TENM2: variants seen among roughly 807,000 people sequenced by gnomAD.
TENM2 encodes the protein teneurin transmembrane protein 2, also known as teneurin-2.
A neutral mutation model predicts 245.2 loss-of-function variants in TENM2; 52 were observed. The observed-to-expected ratio is 0.21, with a 90% CI of 0.17 to 0.27. The LOEUF is 0.27. Ranked by LOEUF, TENM2 falls within the 10% of genes least tolerant of loss-of-function variation. The pLI, the probability that TENM2 is intolerant of heterozygous loss-of-function variation, is 1.00. For synonymous variants in TENM2, 1,363 were observed against 1,438.9 expected (o/e 0.95, Z 1.19); for missense variants, 3,046 against 3,666.8 (o/e 0.83, Z 4.37).
intron 2 of TENM2, among the ~76,000 whole-genome samples, chr5:167,855,684 A>AGGAG (rs200382820): frequency 3.3e-5 from 3 of 91,296 alleles, no homozygotes; most frequent in South Asian, 4.5e-4. Flanking sequence ...GAAGGAAGGA[A>AGGAG]GGAGGGAGGG....
At chr5:167,426,307 A>G (rs1404433298) in intron 2 of TENM2, among the ~76,000 whole-genome samples, 1 of 152,174 alleles carries the variant, frequency 6.6e-6, no homozygotes, top group African/African-American at 2.4e-5. Context: ...TTAAAAAGTA[A>G]TCTTACAAAA....
chr5:167,898,853 G>C (rs887473037), intron 3 of TENM2, among the ~76,000 whole-genome samples: 15 of 152,210 alleles, frequency 9.9e-5, no homozygotes, highest in Admixed American at 1.3e-4. Context: ...CTTAGGAAAA[G>C]CAAGAATGGG....
chr5:167,064,774 G>A, the TENM2 span, among the ~76,000 whole-genome samples: 1 of 152,130 alleles, frequency 6.6e-6, no homozygotes, highest in Non-Finnish European at 1.5e-5. Context: ...GGTGCTAAAA[G>A]CAAACCTTTG....
intron 3 of TENM2, among the ~76,000 whole-genome samples, chr5:167,877,106 G>T (rs1164257480): frequency 6.6e-6 from 1 of 152,128 alleles, no homozygotes; most frequent in Admixed American, 6.5e-5. Context: ...TGACCTAAAG[G>T]CTTGGGAGTT....
chr5:167,005,011 C>A, the TENM2 span, among the ~76,000 whole-genome samples: 13 of 151,962 alleles, frequency 8.6e-5, no homozygotes, highest in Non-Finnish European at 1.6e-4. Context: ...TTTAAAAGGT[C>A]AATATCTGCA....
chr5:168,100,366 A>C (rs1793707501), intron 9 of TENM2, among the ~76,000 whole-genome samples: 1 of 152,228 alleles, frequency 6.6e-6, no homozygotes, highest in Non-Finnish European at 1.5e-5. Flanking sequence ...CATTTGCCCC[A>C]GCAATCCCAT....
chr5:167,419,039 A>G (rs1430241889), intron 2 of TENM2, among the ~76,000 whole-genome samples: 2 of 152,170 alleles, frequency 1.3e-5, no homozygotes, highest in Non-Finnish European at 2.9e-5. Context: ...TAAACTTAAA[A>G]TTATGTATAT....
At chr5:167,148,211 G>T in the TENM2 span, among the ~76,000 whole-genome samples, 2 of 152,312 alleles carry the variant, frequency 1.3e-5, no homozygotes, top group African/African-American at 4.8e-5. Flanking sequence ...AATATGGCAT[G>T]CTGCTGCTTT....
At chr5:167,929,117 GA>G (rs1268048762) in intron 3 of TENM2, among the ~76,000 whole-genome samples, 1 of 67,208 alleles carries the variant, frequency 1.5e-5, no homozygotes, top group Non-Finnish European at 2.9e-5. Context: ...AAGAAAGAAA[GA>G]AAGAAAGAAA....
At chr5:168,125,240 A>G (rs1389618785) in intron 11 of TENM2, among the ~76,000 whole-genome samples, 190 bp downstream of exon 13, 1 of 152,160 alleles carries the variant, frequency 6.6e-6, no homozygotes, top group Non-Finnish European at 1.5e-5. Flanking sequence ...ACAAACAAAA[A>G]AGCACTGGGT....
chr5:167,466,881 G>A (rs936816178), intron 2 of TENM2, among the ~76,000 whole-genome samples: 6 of 152,102 alleles, frequency 3.9e-5, no homozygotes, highest in Non-Finnish European at 7.3e-5. Flanking sequence ...GGCTCCAACT[G>A]CACAGTGATT....
At chr5:167,625,176 C>G (rs541168338) in intron 2 of TENM2, among the ~76,000 whole-genome samples, 1 of 152,156 alleles carries the variant, frequency 6.6e-6, no homozygotes, top group Non-Finnish European at 1.5e-5. Context: ...GTAGCAACTC[C>G]TCTTCTGAAT....
the TENM2 span, chr5:167,168,198 G>A: frequency 6.6e-6 from 1 of 152,146 alleles, no homozygotes; most frequent in East Asian, 1.9e-4. Flanking sequence ...AATTGTTTAT[G>A]CTTACCTAGA....
intron 2 of TENM2, among the ~76,000 whole-genome samples, chr5:167,790,406 A>T (rs1470996700): frequency 6.6e-6 from 1 of 152,180 alleles, no homozygotes; most frequent in Non-Finnish European, 1.5e-5. Context: ...GGGTAAAGCG[A>T]TGTTCGACTC....
intron 1 of TENM2, among the ~76,000 whole-genome samples, chr5:167,343,944 G>C (rs1758283934): frequency 6.6e-6 from 1 of 151,778 alleles, no homozygotes. Flanking sequence ...ATTCATTTTA[G>C]AGTGGAAAGG....
chr5:167,268,530 G>T, the TENM2 span, among the ~76,000 whole-genome samples: 9 of 152,152 alleles, frequency 5.9e-5, no homozygotes, highest in African/African-American at 2.2e-4. Context: ...CTCATCTGCT[G>T]TAAGATTCTT....
intron 6 of TENM2, among the ~76,000 whole-genome samples, chr5:168,059,996 A>G (rs1437307542): frequency 1.3e-5 from 2 of 152,194 alleles, no homozygotes; most frequent in Non-Finnish European, 1.5e-5. Context: ...GATTTGAGCC[A>G]TGGCAATTTC....
chr5:168,066,446 C>G (rs2152112161), intron 7 of TENM2, among the ~76,000 whole-genome samples: 1 of 152,290 alleles, frequency 6.6e-6, no homozygotes, highest in Non-Finnish European at 1.5e-5. Context: ...TGTGCATCCT[C>G]AATCCTTTTC....
intron 2 of TENM2, among the ~76,000 whole-genome samples, chr5:167,811,698 G>GT (rs1766656088): frequency 1.3e-5 from 2 of 152,120 alleles, no homozygotes; most frequent in Admixed American, 1.3e-4. Context: ...GGAGGTTGCA[G>GT]TTTTTTTGTG....
Sources: allele counts gnomAD v4.1 joint callset (sites outside exome capture counted in the v4.1 genomes callset), GRCh38; gene constraint gnomAD v4.1.1; transcripts MANE v1.5; gene names NCBI Gene and HGNC (gene_info 2026-07-23, HGNC 2026-07-21).